NOC4L: variants seen among roughly 807,000 people sequenced by gnomAD.
NOC4L encodes nucleolar complex associated 4 homolog, also known as nucleolar complex protein 4 homolog.
Under a neutral mutation model 62.8 loss-of-function variants are expected in NOC4L, and 40 were observed. The ratio of observed to expected loss-of-function variants is 0.64; its 90% CI spans 0.49 to 0.83. The LOEUF (loss-of-function observed/expected upper bound fraction) is 0.83, where lower values mean the gene tolerates loss of function less well. Among genes scored for constraint, NOC4L ranks in the 40% least tolerant of loss-of-function variants. The pLI, the probability that NOC4L is intolerant of heterozygous loss-of-function variation, is 0.00. For synonymous variants in NOC4L, 433 were observed against 299.8 expected (o/e 1.44, Z -4.59); for missense variants, 927 against 701.9 (o/e 1.32, Z -3.62).
intron 2 of NOC4L, 35 bp downstream of exon 2, chr12:132,145,009 T>C: frequency 6.4e-7 from 1 of 1,560,224 alleles, no homozygotes; most frequent in African/African-American, 1.3e-5. Context: ...TGCTCTTCTC[T>C]TTCCGTGGGT....
chr12:132,151,632 C>G lies in NOC4L; in HGVS notation c.1222C>G (p.Pro408Ala), dbSNP rs774078498. The G allele has an allele frequency of 6.2e-7, 1 of 1,611,838 alleles. No individual in the cohort carries two copies. Among genetic ancestry groups the G allele is most frequent in the South Asian group, 1.1e-5 (1 of 91,020 alleles). Residue 408 changes from proline (P) to alanine (A), a missense_variant, in exon 12 of 15, where the codon CCA (proline) becomes GCA (alanine). By Grantham distance (27) the Pro-to-Ala change is conservative. Transcript: ENST00000330579. ...HPACRVLVHR[P>A]HGPELDADPY... ...TGCCTGCCGGGTCCTCGTGCACCGTCCACACGGCCCTGGTGAGTTGCGGGG... is the reference window on the plus strand; with the variant it reads ...TGCCTGCCGGGTCCTCGTGCACCGTGCACACGGCCCTGGTGAGTTGCGGGG...
rs536179808 is a variant in NOC4L, at chr12:132,146,095, A to C, written c.345+430A>C. 148 of 384,870 alleles carry C rather than the reference A, an allele frequency of 3.8e-4. 1 individual carries two copies. Among genetic ancestry groups the C allele is most frequent in the African/African-American group, 3.0e-3 (145 of 48,342 alleles). 23.8% of individuals were successfully genotyped at this position (384,870 alleles called of 1,614,324 possible). On this transcript the variant is annotated intron_variant, in intron 3 of 14. Coordinates refer to ENST00000330579, the MANE Select transcript of NOC4L (RefSeq NM_024078.3). ...ACTGTGTTGTGCAGTGGTTGCCGCT[A>C]TCCCAGAACATCTTTATCGCCCCGA...
chr12:132,151,989 C>G, intron 13 of NOC4L, 95 bp from the exon 14 acceptor site: 1 of 1,334,814 alleles, frequency 7.5e-7, no homozygotes, highest in Non-Finnish European at 1.0e-6. Flanking sequence ...CCGTCCCGAC[C>G]CCGCCCACTC....
intron 3 of NOC4L, 76 bp downstream of exon 3, chr12:132,145,741 T>C: frequency 9.8e-7 from 1 of 1,024,892 alleles, no homozygotes; most frequent in Non-Finnish European, 1.5e-6. Context: ...AGCAGAGGTC[T>C]GGGGCTCCCA....
At chr12:132,151,456 C>T (rs1872922265) in intron 11 of NOC4L, 28 bp from the exon 12 acceptor site, 1 of 1,599,838 alleles carries the variant, frequency 6.3e-7, no homozygotes, top group African/African-American at 1.3e-5. Context: ...CAGTCCGGGC[C>T]CTGTCTCACA....
rs747432887 is a variant in NOC4L at position 132,151,586 on chromosome 12, T to C, written c.1176T>C (p.Cys392=). 60 of 1,611,184 alleles carry C rather than the reference T, an allele frequency of 3.7e-5. 1 individual carries two copies. In the Middle Eastern group the frequency reaches 4.9e-4, roughly 13 times the overall value. The change falls in exon 12 of 15, where the codon TGT becomes TGC. Residue 392 remains cysteine, a synonymous_variant. Coordinates refer to ENST00000330579, the MANE Select transcript of NOC4L (RefSeq NM_024078.3). Reference sequence around the variant, plus strand: ...TGCTCATGGTCCTGCCTTTCATCTGTAACCTGCTGCGCCGGCACCCTGCCT... The same window carrying C: ...TGCTCATGGTCCTGCCTTTCATCTGCAACCTGCTGCGCCGGCACCCTGCCT... ...EALLMVLPFI[C]NLLRRHPACR... is the part of the protein sequence containing the mutation.
At chr12:132,146,065 C>T (rs1030517619) in intron 3 of NOC4L, among the ~76,000 whole-genome samples, 1 of 152,228 alleles carries the variant, frequency 6.6e-6, no homozygotes, top group East Asian at 1.9e-4. Flanking sequence ...AAGTTAGCAT[C>T]TGTTACTGTG....
At chr12:132,151,207 C>T (rs770852887) in intron 10 of NOC4L, 51 bp from the exon 11 acceptor site, 15 of 1,526,422 alleles carry the variant, frequency 9.8e-6, no homozygotes, top group African/African-American at 1.4e-5. Context: ...CCTTGGAGGC[C>T]TCAGTTCCCG....
Position 132,151,636 on chromosome 12 carries a change from A to G in NOC4L, c.1226A>G (p.His409Arg). The G allele has an allele frequency of 6.2e-7, 1 of 1,611,804 alleles. No homozygotes were observed. Among genetic ancestry groups the G allele is most frequent in the Non-Finnish European group, 8.5e-7 (1 of 1,179,508 alleles). Residue 409 changes from histidine to arginine, a missense_variant, in exon 12 of 15, where the codon CAC becomes CGC. Coordinates refer to ENST00000330579, the MANE Select transcript of NOC4L (RefSeq NM_024078.3). ...PACRVLVHRP[H>R]GPELDADPYD... The stretch of plus-strand genomic sequence containing the variant: ...TGCCGGGTCCTCGTGCACCGTCCAC[A>G]CGGCCCTGGTGAGTTGCGGGGCCCT...
rs1434224258 is a variant in NOC4L at position 132,144,936 on chromosome 12, T to G, written c.200T>G (p.Phe67Cys). 6.2e-7 allele frequency: 1 copy of G among 1,601,014 alleles called. No individual in the cohort carries two copies. Among genetic ancestry groups the G allele is most frequent in the Non-Finnish European group, 8.5e-7 (1 of 1,174,828 alleles). Reference protein sequence around the residue: ...FGALLERGELFVGQLPSEEMV... With the variant: ...FGALLERGELCVGQLPSEEMV... Reference sequence around the variant, plus strand: ...GCCTTGCTGGAGCGGGGAGAGCTGTTTGTGGGCCAGCTGCCCTCTGAGGAG... The same window carrying G: ...GCCTTGCTGGAGCGGGGAGAGCTGTGTGTGGGCCAGCTGCCCTCTGAGGAG... The change falls in exon 2 of 15, where the codon TTT becomes TGT. Residue 67 changes from phenylalanine to cysteine, a missense_variant. Coordinates refer to ENST00000330579, the MANE Select transcript of NOC4L (RefSeq NM_024078.3).
chr12:132,150,974 T>A lies in NOC4L; in HGVS notation c.902-7T>A. ...TGCAGCTCCAGCCTGTGTCTGTCTG[T>A]CTGCAGGGGGGGCCCTCAGCCTCTT... On this transcript the variant is annotated splice_region_variant and splice_polypyrimidine_tract_variant and intron_variant, in intron 9 of 14. Transcript: ENST00000330579. The A allele has an allele frequency of 6.2e-7, 1 of 1,603,104 alleles. No homozygotes were observed. The highest frequency in any genetic ancestry group is 8.5e-7 in the Non-Finnish European group (1 of 1,174,360).
intron 7 of NOC4L, 57 bp downstream of exon 7, chr12:132,148,163 G>A: frequency 6.4e-7 from 1 of 1,563,168 alleles, no homozygotes; most frequent in East Asian, 2.2e-5. Flanking sequence ...TGTGTGGGGT[G>A]CATGTGAGAC....
chr12:132,145,764 C>T (rs1350739274), intron 3 of NOC4L, 99 bp downstream of exon 3: 5 of 781,572 alleles, frequency 6.4e-6, no homozygotes, highest in Non-Finnish European at 1.0e-5. Context: ...ATTGTCCAGG[C>T]AAAGCTGCTT....
intron 6 of NOC4L, 42 bp downstream of exon 6, chr12:132,148,021 G>C: frequency 6.2e-7 from 1 of 1,613,078 alleles, no homozygotes; most frequent in Non-Finnish European, 8.5e-7. Flanking sequence ...GCTGAGCCTT[G>C]GTCTGCCTCC....
chr12:132,151,048 G>T lies in NOC4L; in HGVS notation c.962+7G>T. On this transcript the variant is annotated splice_region_variant and intron_variant, in intron 10 of 14. Transcript: ENST00000330579. ...TGATTCACAAACACAACCTGTGAGTGTCACCAGGGGTGCAGGTCTTCTTCC... is the reference window on the plus strand; with the variant it reads ...TGATTCACAAACACAACCTGTGAGTTTCACCAGGGGTGCAGGTCTTCTTCC... 6.2e-7 allele frequency: 1 copy of T among 1,608,602 alleles called. No individual in the cohort carries two copies. Among genetic ancestry groups the T allele is most frequent in the East Asian group, 2.2e-5 (1 of 44,852 alleles).
rs1024518300 is a variant in NOC4L, at chr12:132,151,782, C to G, written c.1279C>G (p.Gln427Glu). 6.8e-6 allele frequency: 11 copies of G among 1,612,218 alleles called. No individual in the cohort carries two copies. Among genetic ancestry groups the G allele is most frequent in the Non-Finnish European group, 4.2e-6 (5 of 1,179,820 alleles). The change falls in exon 13 of 15, where the codon CAG becomes GAG. Residue 427 changes from glutamine (Q) to glutamate (E), a missense_variant. By Grantham distance (29) the Gln-to-Glu change is conservative. Transcript: ENST00000330579. ...PYDPGEEDPA[Q>E]SRALESSLWE... The stretch of plus-strand genomic sequence containing the variant: ...CGACCCTGGAGAGGAGGACCCAGCC[C>G]AGAGCCGGGCCTTGGAGAGCTCCCT...
Position 132,152,152 on chromosome 12 carries a change from G to T in NOC4L, c.1386G>T (p.Met462Ile), listed in dbSNP as rs1430286725. The T allele has an allele frequency of 6.2e-7, 1 of 1,612,428 alleles. No homozygotes were observed. The highest frequency in any genetic ancestry group is 1.7e-5 in the Admixed American group (1 of 60,014). ...AASVINQALSMPEVSIAPLLE... is the reference protein window; with the variant it reads ...AASVINQALSIPEVSIAPLLE... Reference sequence around the variant, plus strand: ...GCGTCATCAACCAGGCCCTGTCCATGCCTGAGGTCAGCATCGCGCCACTGC... The same window carrying T: ...GCGTCATCAACCAGGCCCTGTCCATTCCTGAGGTCAGCATCGCGCCACTGC... The change falls in exon 14 of 15, where the codon ATG becomes ATT. Residue 462 changes from methionine (M) to isoleucine (I), a missense_variant. Physicochemically the swap from Met to Ile is conservative, Grantham distance 10 (BLOSUM62 1). Coordinates refer to ENST00000330579, the MANE Select transcript of NOC4L (RefSeq NM_024078.3).
intron 3 of NOC4L, chr12:132,146,124 GAAA>G: frequency 1.7e-5 from 7 of 405,310 alleles, no homozygotes; most frequent in Non-Finnish European, 3.5e-5. Flanking sequence ...GCCCCGAAAA[GAAA>G]TCCTGTACCA....
At chr12:132,148,948 C>CG (rs1381077056) in intron 9 of NOC4L, 53 bp downstream of exon 9, 8 of 364,670 alleles carry the variant, frequency 2.2e-5, no homozygotes, top group South Asian at 3.1e-5. Context: ...CGGTGAGTGC[C>CG]GCCGCCTCAC....
Sources: allele counts gnomAD v4.1 joint callset (sites outside exome capture counted in the v4.1 genomes callset), GRCh38; gene constraint gnomAD v4.1.1; transcripts MANE v1.5; gene names NCBI Gene and HGNC (gene_info 2026-07-23, HGNC 2026-07-21).